Variants in GSK3B observed in about 807,000 individuals in gnomAD.
GSK3B encodes glycogen synthase kinase-3 beta.
In GSK3B, 15 loss-of-function variants were observed where a neutral mutation model predicts 56.4. The ratio of observed to expected loss-of-function variants is 0.27; its 90% confidence interval spans 0.18 to 0.41. The LOEUF (loss-of-function observed/expected upper bound fraction) is 0.41, where lower values mean the gene tolerates loss of function less well. Among genes scored for constraint, GSK3B ranks in the 10% least tolerant of loss-of-function variants. The pLI, the probability that GSK3B is intolerant of heterozygous loss-of-function variation, is 1.00. For missense variants in GSK3B, 300 were observed against 513.4 expected (o/e 0.58, Z 4.02); for synonymous variants, 181 against 188.9 (o/e 0.96, Z 0.34).
At chr3:120,084,315 C>T (rs944636237) in intron 1 of GSK3B, among the ~76,000 whole-genome samples, 8 of 151,786 alleles carry the variant, frequency 5.3e-5, no homozygotes, top group Non-Finnish European at 1.0e-4. Flanking sequence ...ATGATGTCTA[C>T]CACAATAAGA....
At chr3:119,909,480 G>C (rs935470477) in intron 6 of GSK3B, among the ~76,000 whole-genome samples, 7 of 152,198 alleles carry the variant, frequency 4.6e-5, no homozygotes, top group African/African-American at 9.6e-5. Flanking sequence ...GTTGCTCCTT[G>C]TTTGTTAGCT....
intron 1 of GSK3B, among the ~76,000 whole-genome samples, chr3:120,043,285 G>GA (rs906616214): frequency 1.3e-5 from 2 of 152,018 alleles, no homozygotes; most frequent in African/African-American, 2.4e-5. Flanking sequence ...ATTATCCAAA[G>GA]AAAAAAACCT....
chr3:120,058,176 T>A (rs1165200686), intron 1 of GSK3B, among the ~76,000 whole-genome samples: 2 of 152,146 alleles, frequency 1.3e-5, no homozygotes, highest in East Asian at 3.8e-4. Context: ...TTTAACATTA[T>A]CTACAGACAA....
chr3:119,928,588 G>A (rs953456343), intron 3 of GSK3B, among the ~76,000 whole-genome samples: 2 of 117,466 alleles, frequency 1.7e-5, no homozygotes, highest in Non-Finnish European at 3.2e-5. Context: ...CTGGGAGATA[G>A]AGCGAGACTC....
intron 1 of GSK3B, among the ~76,000 whole-genome samples, chr3:120,077,080 A>C (rs1293321049): frequency 6.6e-6 from 1 of 152,214 alleles, no homozygotes; most frequent in Non-Finnish European, 1.5e-5. Flanking sequence ...GTGAGAATGC[A>C]GATTAGTGCA....
At chr3:119,947,010 T>C (rs1371465744) in intron 3 of GSK3B, among the ~76,000 whole-genome samples, 1 of 151,870 alleles carries the variant, frequency 6.6e-6, no homozygotes, top group Non-Finnish European at 1.5e-5. Context: ...AAAAAGTATA[T>C]AGATTTTCTT....
In GSK3B at chr3:119,923,838, T is replaced by C. The variant is rs547920915; in HGVS notation, c.367-355A>G. On this transcript the variant is annotated intron_variant, in intron 3 of 10. Transcript: ENST00000264235. Reference sequence around the variant, plus strand: ...TGTCCTCATATCCTATTAAGATAAGTATCGTGGTGGCAGGGAGAGTACTGA... The same window carrying C: ...TGTCCTCATATCCTATTAAGATAAGCATCGTGGTGGCAGGGAGAGTACTGA... Among the ~76,000 whole-genome samples, 5 of 152,302 alleles carry C rather than the reference T, an allele frequency of 3.3e-5. No homozygotes were observed. The East Asian group carries it at 9.6e-4, about 29-fold the overall frequency.
At chr3:119,842,798 T>C (rs1191094054) in intron 10 of GSK3B, among the ~76,000 whole-genome samples, 1 of 152,112 alleles carries the variant, frequency 6.6e-6, no homozygotes, top group African/African-American at 2.4e-5. Context: ...TTTTTGGAAA[T>C]AAAGCAAAAA....
intron 2 of GSK3B, among the ~76,000 whole-genome samples, chr3:119,947,872 CAA>C (rs57902819): frequency 0.022 from 2,298 of 103,840 alleles, 10 homozygotes; most frequent in African/African-American, 0.027. Flanking sequence ...AACTCCATCT[CAA>C]AAAAAAAAAA....
intron 7 of GSK3B, among the ~76,000 whole-genome samples, chr3:119,881,477 A>C (rs1162700609): frequency 1.3e-5 from 2 of 152,152 alleles, no homozygotes; most frequent in Admixed American, 1.3e-4. Flanking sequence ...ATACTTTTTC[A>C]TTTTGATATA....
intron 1 of GSK3B, among the ~76,000 whole-genome samples, chr3:120,067,045 A>G (rs1426520841): frequency 6.6e-6 from 1 of 152,166 alleles, no homozygotes; most frequent in Admixed American, 6.5e-5. Context: ...ATGTTTTAAG[A>G]AAGTTTACAA....
chr3:119,987,508 C>A (rs534404955), intron 2 of GSK3B, among the ~76,000 whole-genome samples: 1 of 151,916 alleles, frequency 6.6e-6, no homozygotes, highest in East Asian at 1.9e-4. Flanking sequence ...AGTTTTGAAA[C>A]GTTAATTATA....
intron 10 of GSK3B, 40 bp from the exon 11 acceptor site, chr3:119,826,895 C>CTA: frequency 8.1e-7 from 1 of 1,241,588 alleles, no homozygotes; most frequent in Admixed American, 1.7e-5. Flanking sequence ...ATGAGCAATG[C>CTA]TATAACAACA....
chr3:119,973,642 T>C (rs1280218329), intron 2 of GSK3B, among the ~76,000 whole-genome samples: 3 of 152,220 alleles, frequency 2.0e-5, no homozygotes, highest in Non-Finnish European at 4.4e-5. Flanking sequence ...ATAAATATTT[T>C]GAGAGAGAGG....
chr3:120,075,731 A>G (rs1310160073), intron 1 of GSK3B, among the ~76,000 whole-genome samples: 1 of 152,214 alleles, frequency 6.6e-6, no homozygotes, highest in African/African-American at 2.4e-5. Flanking sequence ...GAAAATGAAG[A>G]GGACACAAAT....
At chr3:120,090,562 C>G (rs1417047583) in intron 1 of GSK3B, among the ~76,000 whole-genome samples, 1 of 152,156 alleles carries the variant, frequency 6.6e-6, no homozygotes, top group Non-Finnish European at 1.5e-5. Context: ...GACTCCTTCA[C>G]AAATATTCCA....
At position 119,826,457 on chromosome 3, in the gene GSK3B, T is replaced by C; in HGVS notation, c.*331A>G. 1 of 465,150 alleles carries C rather than the reference T, an allele frequency of 2.1e-6. No individual in the cohort carries two copies. Among genetic ancestry groups the C allele is most frequent in the Non-Finnish European group, 4.0e-6 (1 of 252,854 alleles). 28.8% of individuals were successfully genotyped at this position (465,150 alleles called of 1,614,324 possible). A position where few individuals can be genotyped will look rare whatever the true frequency, so the allele number is the denominator to read the frequency against. On this transcript the variant is annotated 3_prime_UTR_variant, in exon 11 of 11. Coordinates refer to ENST00000264235, the MANE Select transcript of GSK3B (RefSeq NM_001146156.2). ...TTGTGGAAGGGGCATGAGGCAGGAG[T>C]CCTGTTTTTAAAGTATACAACAGCA... is the stretch of plus-strand genomic sequence containing the variant.
At chr3:120,072,543 T>C (rs1002523269) in intron 1 of GSK3B, among the ~76,000 whole-genome samples, 3 of 152,118 alleles carry the variant, frequency 2.0e-5, no homozygotes, top group African/African-American at 7.2e-5. Flanking sequence ...GCCGAGATCA[T>C]GCCACTGCAC....
intron 1 of GSK3B, among the ~76,000 whole-genome samples, chr3:120,066,622 A>G (rs893854450): frequency 5.3e-5 from 8 of 152,200 alleles, no homozygotes; most frequent in African/African-American, 1.9e-4. Context: ...AATTCCAGCT[A>G]CAAATACAAA....
Sources: allele counts gnomAD v4.1 joint callset (sites outside exome capture counted in the v4.1 genomes callset), GRCh38; gene constraint gnomAD v4.1.1; transcripts MANE v1.5; gene names NCBI Gene and HGNC (gene_info 2026-07-23, HGNC 2026-07-21).